Variants in LTBP2 observed in about 807,000 individuals in gnomAD.
LTBP2 encodes latent transforming growth factor beta binding protein 2.
A neutral mutation model predicts 210.6 loss-of-function variants in LTBP2; 103 were observed. The observed-to-expected ratio is 0.49, with a 90% CI of 0.42 to 0.58. The LOEUF is 0.58. Among genes scored for constraint, LTBP2 ranks in the 20% least tolerant of loss-of-function variants. The pLI, the probability that LTBP2 is intolerant of heterozygous loss-of-function variation, is 0.00. For synonymous variants in LTBP2, 1,007 were observed against 1,015.0 expected, an observed-to-expected ratio of 0.99 and a Z score of 0.15; for missense variants, 2,313 against 2,494.5, an observed-to-expected ratio of 0.93 and a Z score of 1.55.
rs746680562 is a variant in LTBP2, at chr14:74,503,953, A to G, written c.4555T>C (p.Tyr1519His). 6.8e-6 allele frequency: 11 copies of G among 1,614,162 alleles called. No individual in the cohort carries two copies. Among genetic ancestry groups the G allele is most frequent in the Non-Finnish European group, 9.3e-6 (11 of 1,180,024 alleles). The change falls in exon 31 of 36, where the codon TAC (tyrosine) becomes CAC (histidine). Residue 1519 changes from tyrosine to histidine, a missense_variant. Tyr to His is a moderately conservative substitution (Grantham distance 83). Coordinates refer to ENST00000261978, the MANE Select transcript of LTBP2 (RefSeq NM_000428.3). ...TCACACTTCTTGTGGGAAGCATCGTAGTGGAAGCCGGGATTGCACAGGCAG... is the reference window on the plus strand; with the variant it reads ...TCACACTTCTTGTGGGAAGCATCGTGGTGGAAGCCGGGATTGCACAGGCAG... ...YVCLCNPGFH[Y>H]DASHKKCEDH...
intron 34 of LTBP2, 138 bp from the exon 35 acceptor site, chr14:74,501,728 C>A (rs1382763390): frequency 3.1e-5 from 33 of 1,070,158 alleles, no homozygotes; most frequent in Non-Finnish European, 4.0e-5. Context: ...TCATAAAATT[C>A]TTGTGGAAAG....
chr14:74,547,515 T>C (rs574983247), intron 8 of LTBP2, among the ~76,000 whole-genome samples: 3 of 152,292 alleles, frequency 2.0e-5, no homozygotes, highest in African/African-American at 7.2e-5. Flanking sequence ...ACACTCACGC[T>C]GTTGGCAGCT....
intron 1 of LTBP2, among the ~76,000 whole-genome samples, chr14:74,608,659 G>A (rs1481478221): frequency 2.2e-5 from 3 of 138,076 alleles, no homozygotes; most frequent in Non-Finnish European, 4.6e-5. Context: ...GTAGTGAACC[G>A]AAATAATGTC....
chr14:74,611,575 T>A lies in LTBP2; in HGVS notation c.370A>T (p.Ser124Cys). ...RVQPPAQTRR[S>C]TPLGQQQPAP... ...GGTTGCTGCTGGCCCAGGGGAGTGC[T>A]TCTCCGGGTCTGCGCAGGTGGCTGG... The change falls in exon 1 of 36, where the codon AGC becomes TGC. Residue 124 changes from serine to cysteine, a missense_variant. Transcript: ENST00000261978. 6.3e-7 allele frequency: 1 copy of A among 1,577,598 alleles called. No individual in the cohort carries two copies. Among genetic ancestry groups the A allele is most frequent in the Non-Finnish European group, 8.6e-7 (1 of 1,168,490 alleles).
At chr14:74,561,211 A>C (rs1188009896) in intron 3 of LTBP2, among the ~76,000 whole-genome samples, 1 of 151,920 alleles carries the variant, frequency 6.6e-6, no homozygotes, top group South Asian at 2.1e-4. Context: ...TCAGCTACTC[A>C]GGAGGCTGAG....
intron 17 of LTBP2, among the ~76,000 whole-genome samples, chr14:74,518,398 G>A (rs945073242): frequency 3.3e-5 from 5 of 152,162 alleles, no homozygotes; most frequent in African/African-American, 7.2e-5. Flanking sequence ...CCTGCCGCCC[G>A]CACCTCTCCT....
rs148766628 is a variant in LTBP2 at position 74,555,574 on chromosome 14, G to A, written c.950C>T (p.Pro317Leu). 2.4e-4 allele frequency: 390 copies of A among 1,611,140 alleles called. 1 individual carries two copies. The highest frequency in any genetic ancestry group is 1.0e-3 in the Middle Eastern group (6 of 6,030). The change falls in exon 4 of 36, where the codon CCG (proline) becomes CTG (leucine). Residue 317 changes from proline to leucine, a missense_variant. Pro to Leu is a moderately conservative substitution (Grantham distance 98). Around this residue, in one of 3 missense-constraint regions of LTBP2, gnomAD observed 1,867 missense variants for 1,976.9 expected, o/e 0.94. Coordinates refer to ENST00000261978, the MANE Select transcript of LTBP2 (RefSeq NM_000428.3). Reference sequence around the variant, plus strand: ...ATCTCTCTGCTCAAGGCCTGGTCCCGGGGGCAGGGCGTTGGAAGAGAGCTG... The same window carrying A: ...ATCTCTCTGCTCAAGGCCTGGTCCCAGGGGCAGGGCGTTGGAAGAGAGCTG... ...SSQLSSNALPPGPGLEQRDGT... is the reference protein window; with the variant it reads ...SSQLSSNALPLGPGLEQRDGT...
intron 30 of LTBP2, 41 bp downstream of exon 30, chr14:74,504,737 C>T: frequency 6.3e-7 from 1 of 1,598,898 alleles, no homozygotes; most frequent in Non-Finnish European, 8.6e-7. Context: ...CTAGGGCCCA[C>T]TCAGGTGAAG....
At chr14:74,608,715 G>GAAAAAAAAAA (rs5809673) in intron 1 of LTBP2, among the ~76,000 whole-genome samples, 2 of 116,236 alleles carry the variant, frequency 1.7e-5, no homozygotes, top group African/African-American at 3.3e-5. Flanking sequence ...TCAAAAAAAA[G>GAAAAAAAAAA]AAAAAAAAAA....
chr14:74,538,292 C>T (rs569270312), intron 8 of LTBP2, among the ~76,000 whole-genome samples: 4 of 152,026 alleles, frequency 2.6e-5, no homozygotes, highest in Non-Finnish European at 5.9e-5. Context: ...ATAGTCTTCT[C>T]GATCATTTGG....
chr14:74,505,899 G>C (rs2086976774), intron 28 of LTBP2, 149 bp downstream of exon 28: 2 of 1,095,930 alleles, frequency 1.8e-6, no homozygotes, highest in Non-Finnish European at 2.7e-6. Flanking sequence ...ACCCCTCCAT[G>C]CACCAGGCCC....
intron 10 of LTBP2, among the ~76,000 whole-genome samples, chr14:74,531,350 A>G (rs2087347719): frequency 6.6e-6 from 1 of 152,166 alleles, no homozygotes; most frequent in African/African-American, 2.4e-5. Context: ...GGACTAATAA[A>G]TAAGTCACCT....
rs1595244407 is a variant in LTBP2 at position 74,511,286 on chromosome 14, G to T, written c.2987C>A (p.Ala996Asp). ...CTGGCCCCGGTAGCCCTCCTCACAGGCCAGACAAGTGTAGGAGCCAGGGGA... is the reference window on the plus strand; with the variant it reads ...CTGGCCCCGGTAGCCCTCCTCACAGTCCAGACAAGTGTAGGAGCCAGGGGA... ...VNSPGSYTCL[A>D]CEEGYRGQSG... The change falls in exon 19 of 36, where the codon GCC (alanine) becomes GAC (aspartate). Residue 996 changes from alanine (A) to aspartate (D), a missense_variant. This residue lies in a region of LTBP2 where 1,867 missense variants were observed against 1,976.9 expected (regional missense o/e 0.94). Transcript: ENST00000261978. 2.5e-6 allele frequency: 4 copies of T among 1,613,970 alleles called. No homozygotes were observed. The East Asian group carries it at 8.9e-5, about 36-fold the overall frequency.
At chr14:74,604,179 A>AAAAAAAAAAAAC (rs1566657433) in intron 1 of LTBP2, among the ~76,000 whole-genome samples, 11 of 151,346 alleles carry the variant, frequency 7.3e-5, no homozygotes, top group African/African-American at 2.4e-4. Flanking sequence ...AAAAAAAAAA[A>AAAAAAAAAAAAC]AAAAACCACA....
Position 74,551,484 on chromosome 14 carries a change from T to A in LTBP2, c.1400-134A>T, listed in dbSNP as rs182756102. 17 of 881,228 alleles carry A rather than the reference T, an allele frequency of 1.9e-5. No homozygotes were observed. The Admixed American group carries it at 5.0e-4, about 26-fold the overall frequency. 54.6% of individuals were successfully genotyped at this position (881,228 alleles called of 1,614,324 possible). A position where few individuals can be genotyped will look rare whatever the true frequency, so the allele number is the denominator to read the frequency against. ...GTCACCCCAAAACTCTCCTTCCATT[T>A]CTTTGCTCCCAAGTTAGAACCCCAG... On this transcript the variant is annotated intron_variant, in intron 6 of 35. Transcript: ENST00000261978.
chr14:74,553,968 A>ATGTGTGTGTGTGTGTGTGTG (rs2087695917), intron 4 of LTBP2, among the ~76,000 whole-genome samples: 1 of 82,112 alleles, frequency 1.2e-5, no homozygotes, highest in Admixed American at 1.2e-4. Flanking sequence ...GTGTGTGTGA[A>ATGTGTGTGTGTGTGTGTGTG]TGAGAGAGCT....
At chr14:74,549,296 C>A (rs2139743427) in intron 8 of LTBP2, among the ~76,000 whole-genome samples, 1 of 140,016 alleles carries the variant, frequency 7.1e-6, no homozygotes, top group East Asian at 2.0e-4. Context: ...TACAAGGCAC[C>A]CAGTGAGTAT....
At chr14:74,594,338 C>T (rs773048524) in intron 2 of LTBP2, among the ~76,000 whole-genome samples, 1 of 152,182 alleles carries the variant, frequency 6.6e-6, no homozygotes, top group Non-Finnish European at 1.5e-5. Flanking sequence ...CCCCTTTAGC[C>T]TCTCCCTTCC....
intron 3 of LTBP2, among the ~76,000 whole-genome samples, chr14:74,567,305 C>G (rs1171550374): frequency 6.6e-6 from 1 of 152,218 alleles, no homozygotes; most frequent in Non-Finnish European, 1.5e-5. Flanking sequence ...CACTTTTCCA[C>G]CGAGCAGCCA....
Sources: gnomAD v4.1 joint callset for allele counts (sites outside exome capture counted in the v4.1 genomes callset) on GRCh38, gnomAD v4.1.1 for gene constraint, gnomAD v4.1.1 regional missense constraint, MANE v1.5 for transcripts, NCBI Gene and HGNC (gene_info 2026-07-23, HGNC 2026-07-21) for gene names.